ENTREP2: variants seen among roughly 807,000 people sequenced by gnomAD.
ENTREP2 encodes the protein protein ENTREP2.
the ENTREP2 span, among the ~76,000 whole-genome samples, chr15:29,360,008 A>G: frequency 6.6e-6 from 1 of 152,224 alleles, no homozygotes. Flanking sequence ...CTGGTAACTA[A>G]TAGCCTATAA....
At chr15:29,504,552 T>G in the ENTREP2 span, among the ~76,000 whole-genome samples, 6 of 152,194 alleles carry the variant, frequency 3.9e-5, no homozygotes, top group African/African-American at 1.4e-4. Flanking sequence ...TCTGTGATAT[T>G]TTGAGACACC....
chr15:29,408,710 G>T, the ENTREP2 span, among the ~76,000 whole-genome samples: 44 of 152,192 alleles, frequency 2.9e-4, 1 homozygote, highest in African/African-American at 9.9e-4. Flanking sequence ...TTTTCTGAGA[G>T]ATTTCCCCCA....
chr15:29,502,768 G>A, the ENTREP2 span, among the ~76,000 whole-genome samples: 1 of 151,920 alleles, frequency 6.6e-6, no homozygotes, highest in Non-Finnish European at 1.5e-5. Context: ...ACTCAACTAG[G>A]AAAAGGGCTA....
At chr15:29,522,899 CA>C in the ENTREP2 span, among the ~76,000 whole-genome samples, 1 of 151,870 alleles carries the variant, frequency 6.6e-6, no homozygotes. Flanking sequence ...TGGTGGTTAA[CA>C]AAAAGGCAAA....
chr15:29,183,234 TAACTC>T, the ENTREP2 span, among the ~76,000 whole-genome samples: 7 of 152,156 alleles, frequency 4.6e-5, no homozygotes, highest in Admixed American at 2.0e-4. Context: ...AAAGAGCAAA[TAACTC>T]AGCAGGAAAA....
chr15:29,298,359 A>G, the ENTREP2 span, among the ~76,000 whole-genome samples: 16 of 152,246 alleles, frequency 1.1e-4, no homozygotes, highest in African/African-American at 3.6e-4. Flanking sequence ...TCTTCAGAAA[A>G]GAGAAAAAAA....
the ENTREP2 span, among the ~76,000 whole-genome samples, chr15:29,423,297 G>A: frequency 1.3e-5 from 2 of 152,152 alleles, no homozygotes; most frequent in Admixed American, 6.5e-5. Context: ...TTCAGAGAGA[G>A]ATAAGTTAGG....
the ENTREP2 span, among the ~76,000 whole-genome samples, chr15:29,549,565 C>T: frequency 6.6e-6 from 1 of 152,150 alleles, no homozygotes; most frequent in African/African-American, 2.4e-5. Context: ...CCACTGTGCC[C>T]GGCTTCATTC....
At chr15:29,560,927 G>C in the ENTREP2 span, among the ~76,000 whole-genome samples, 1 of 54,606 alleles carries the variant, frequency 1.8e-5, no homozygotes, top group Middle Eastern at 8.9e-3. Context: ...AGTTATACTG[G>C]AACACAGTTA....
At chr15:29,418,998 T>C in the ENTREP2 span, among the ~76,000 whole-genome samples, 26 of 152,268 alleles carry the variant, frequency 1.7e-4, no homozygotes, top group African/African-American at 5.5e-4. Flanking sequence ...AAAATAAAAA[T>C]TGTAATTAGG....
chr15:29,156,145 T>G, the ENTREP2 span, among the ~76,000 whole-genome samples: 618 of 152,080 alleles, frequency 4.1e-3, 1 homozygote, highest in Non-Finnish European at 7.4e-3. Flanking sequence ...CAACCTGTTT[T>G]TTGTTGTTGT....
chr15:29,268,854 C>T, the ENTREP2 span: 10 of 1,614,150 alleles, frequency 6.2e-6, no homozygotes, highest in Non-Finnish European at 8.5e-6. Context: ...CTGCCAAAGC[C>T]TCACAGTACT....
the ENTREP2 span, among the ~76,000 whole-genome samples, chr15:29,284,052 C>T: frequency 1.3e-5 from 2 of 151,944 alleles, no homozygotes; most frequent in Non-Finnish European, 2.9e-5. Flanking sequence ...GAGGATGCAT[C>T]CTATGTAAAT....
the ENTREP2 span, among the ~76,000 whole-genome samples, chr15:29,419,486 G>A: frequency 3.3e-5 from 5 of 152,048 alleles, no homozygotes; most frequent in Admixed American, 6.6e-5. Context: ...AGAGACACAG[G>A]ACACAATGAA....
the ENTREP2 span, among the ~76,000 whole-genome samples, chr15:29,178,886 T>TAATTA: frequency 6.6e-6 from 1 of 152,196 alleles, no homozygotes; most frequent in Non-Finnish European, 1.5e-5. Flanking sequence ...AATCTATACT[T>TAATTA]AATCAGTATC....
the ENTREP2 span, chr15:29,570,675 G>A: frequency 2.5e-6 from 3 of 1,189,346 alleles, no homozygotes; most frequent in South Asian, 4.0e-5. Flanking sequence ...GACAGGCTGC[G>A]GGGCAGCGCG....
chr15:29,582,323 AT>A, the ENTREP2 span, among the ~76,000 whole-genome samples: 1 of 152,260 alleles, frequency 6.6e-6, no homozygotes, highest in East Asian at 1.9e-4. Context: ...AAAATGAATC[AT>A]GGACGGACTT....
chr15:29,277,816 C>T, the ENTREP2 span, among the ~76,000 whole-genome samples: 8 of 152,274 alleles, frequency 5.3e-5, no homozygotes, highest in African/African-American at 1.4e-4. Flanking sequence ...CCTCATTCTT[C>T]CAGACTACGC....
the ENTREP2 span, among the ~76,000 whole-genome samples, chr15:29,394,457 G>T: frequency 6.6e-6 from 1 of 152,130 alleles, no homozygotes; most frequent in Non-Finnish European, 1.5e-5. Flanking sequence ...AGCCACAATA[G>T]TTATAAGTGG....
Sources: gnomAD v4.1 joint callset for allele counts (sites outside exome capture counted in the v4.1 genomes callset) on GRCh38, gnomAD v4.1.1 for gene constraint, MANE v1.5 for transcripts, NCBI Gene and HGNC (gene_info 2026-07-23, HGNC 2026-07-21) for gene names.